Variants in ZNF148 observed in about 807,000 individuals in gnomAD.
The protein encoded by ZNF148 is Beta-Enolase Repressor Factor-1.
In ZNF148, 7 loss-of-function variants were observed where a neutral mutation model predicts 67.7. The observed-to-expected ratio is 0.10, with a 90% CI of 0.06 to 0.19. The LOEUF (loss-of-function observed/expected upper bound fraction) is 0.19, where lower values mean the gene tolerates loss of function less well. Ranked by LOEUF, ZNF148 falls within the 10% of genes least tolerant of loss-of-function variation. The pLI, the probability that ZNF148 is intolerant of heterozygous loss-of-function variation, is 1.00. For synonymous variants in ZNF148, 333 were observed against 330.7 expected, an observed-to-expected ratio of 1.01 and a Z score of -0.08; for missense variants, 583 against 947.1, an observed-to-expected ratio of 0.62 and a Z score of 5.05.
rs1184633259 is a variant in ZNF148, at chr3:125,355,443, G to C, written c.-234+19659C>G. Among the ~76,000 whole-genome samples the C allele has an allele frequency of 3.9e-5, 6 of 152,156 alleles. No homozygotes were observed. The South Asian group carries it at 1.2e-3, about 32-fold the overall frequency. On this transcript the variant is annotated intron_variant, in intron 1 of 8. Transcript: ENST00000360647. Reference sequence around the variant, plus strand: ...AGCGTGCTGACCAAAAATGTCTCCAGACGTTTGACAAAATCACCTCTGGTT... The same window carrying C: ...AGCGTGCTGACCAAAAATGTCTCCACACGTTTGACAAAATCACCTCTGGTT...
chr3:125,303,696 A>G (rs944179108), intron 4 of ZNF148, among the ~76,000 whole-genome samples: 1 of 152,042 alleles, frequency 6.6e-6, no homozygotes, highest in Non-Finnish European at 1.5e-5. Flanking sequence ...TGAGTTGTAT[A>G]ATTACTTCAT....
intron 4 of ZNF148, among the ~76,000 whole-genome samples, chr3:125,303,293 TG>T (rs1939691158): frequency 6.6e-6 from 1 of 152,196 alleles, no homozygotes. Flanking sequence ...GAATCTTGAT[TG>T]CTTTGGTGGT....
intron 7 of ZNF148, among the ~76,000 whole-genome samples, chr3:125,255,189 T>C (rs1336102433): frequency 2.0e-5 from 3 of 151,594 alleles, no homozygotes. Context: ...TCTGTAAATA[T>C]TCATTTACGT....
At chr3:125,356,602 TA>T (rs1942350041) in intron 1 of ZNF148, among the ~76,000 whole-genome samples, 1 of 152,202 alleles carries the variant, frequency 6.6e-6, no homozygotes, top group Non-Finnish European at 1.5e-5. Context: ...CTGCCCTCTA[TA>T]AAATTAAGAA....
chr3:125,271,669 G>C (rs1165880290), intron 7 of ZNF148, among the ~76,000 whole-genome samples: 1 of 152,188 alleles, frequency 6.6e-6, no homozygotes, highest in Non-Finnish European at 1.5e-5. Flanking sequence ...CAGGACTGCT[G>C]TGTGGATAAA....
intron 1 of ZNF148, among the ~76,000 whole-genome samples, chr3:125,350,912 A>T (rs529632131): frequency 6.6e-6 from 1 of 152,258 alleles, no homozygotes; most frequent in African/African-American, 2.4e-5. Context: ...TAAGAACATT[A>T]TAAGTGAAAC....
chr3:125,273,009 T>G (rs1222399602), intron 7 of ZNF148, among the ~76,000 whole-genome samples: 1 of 152,228 alleles, frequency 6.6e-6, no homozygotes, highest in East Asian at 1.9e-4. Flanking sequence ...AGTTAAACTC[T>G]AAGTAGGTCT....
At chr3:125,237,157 T>C (rs1184536047) in intron 7 of ZNF148, among the ~76,000 whole-genome samples, 1 of 152,114 alleles carries the variant, frequency 6.6e-6, no homozygotes, top group African/African-American at 2.4e-5. Flanking sequence ...AAACTGATTA[T>C]CAATACTGAA....
rs189146003 is a variant in ZNF148, at chr3:125,303,824, A to C, written c.333+9484T>G. 4.8e-4 allele frequency among the ~76,000 whole-genome samples: 73 copies of C among 152,180 alleles called. 2 individuals are homozygous for C. The highest frequency in any genetic ancestry group is 1.5e-3 in the African/African-American group (64 of 41,530). On this transcript the variant is annotated intron_variant, in intron 4 of 8. Coordinates refer to ENST00000360647, the MANE Select transcript of ZNF148 (RefSeq NM_021964.3). ...TCGTGGAAAAACTGTCTTCCACAAAACTGGTCCCTGGTGCCAAAAACGGTT... is the reference window on the plus strand; with the variant it reads ...TCGTGGAAAAACTGTCTTCCACAAACCTGGTCCCTGGTGCCAAAAACGGTT...
At chr3:125,361,367 C>T (rs780336982) in intron 1 of ZNF148, among the ~76,000 whole-genome samples, 3 of 152,102 alleles carry the variant, frequency 2.0e-5, no homozygotes, top group African/African-American at 4.8e-5. Flanking sequence ...GAACACCCTC[C>T]TATTTCCCCT....
At chr3:125,326,733 T>C (rs1327053990) in intron 2 of ZNF148, among the ~76,000 whole-genome samples, 5 of 146,420 alleles carry the variant, frequency 3.4e-5, no homozygotes, top group Non-Finnish European at 3.0e-5. Context: ...TATATAAATA[T>C]ACATATTTAT....
intron 4 of ZNF148, among the ~76,000 whole-genome samples, chr3:125,304,180 A>G (rs749211890): frequency 7.2e-5 from 11 of 152,114 alleles, no homozygotes; most frequent in Non-Finnish European, 1.2e-4. Context: ...GAGGGCTTCT[A>G]CATGGGAGGA....
intron 2 of ZNF148, among the ~76,000 whole-genome samples, chr3:125,329,239 A>C (rs991394402): frequency 2.7e-5 from 4 of 148,394 alleles, no homozygotes; most frequent in African/African-American, 7.4e-5. Context: ...ATATGTATAG[A>C]TATATATATC....
intron 3 of ZNF148, among the ~76,000 whole-genome samples, chr3:125,322,769 G>C (rs1052867581): frequency 2.0e-5 from 3 of 152,090 alleles, no homozygotes; most frequent in African/African-American, 7.2e-5. Context: ...CAGTAGCCAA[G>C]TCTATATACT....
chr3:125,256,187 C>A (rs1211299632), intron 7 of ZNF148, among the ~76,000 whole-genome samples: 1 of 151,274 alleles, frequency 6.6e-6, no homozygotes, highest in African/African-American at 2.4e-5. Context: ...CACAGCAAAA[C>A]CCTGTCTCTA....
intron 7 of ZNF148, among the ~76,000 whole-genome samples, chr3:125,268,509 A>T (rs1937591456): frequency 6.6e-6 from 1 of 152,198 alleles, no homozygotes; most frequent in Non-Finnish European, 1.5e-5. Flanking sequence ...ACCATATCCA[A>T]AAGAATGAAA....
At position 125,228,188 on chromosome 3, in the gene ZNF148, A is replaced by G. The variant is rs1485514939; in HGVS notation, c.*4153T>C. On this transcript the variant is annotated 3_prime_UTR_variant, in exon 9 of 9. Coordinates refer to ENST00000360647, the MANE Select transcript of ZNF148 (RefSeq NM_021964.3). ...CAAATATTAAAATCCAAAGCAAATC[A>G]CAAAGTTAGGTAGCAGTACAGAAGC... 6.6e-6 allele frequency: 1 copy of G among 152,622 alleles called. No individual in the cohort carries two copies. Among genetic ancestry groups the G allele is most frequent in the African/African-American group, 2.4e-5 (1 of 41,446 alleles). The allele number at this position is 152,622 out of a possible 1,614,324, so 9.5% of individuals were successfully genotyped here.
At chr3:125,347,103 A>G (rs1941972415) in intron 1 of ZNF148, among the ~76,000 whole-genome samples, 1 of 152,188 alleles carries the variant, frequency 6.6e-6, no homozygotes, top group African/African-American at 2.4e-5. Context: ...TAATAGCAGG[A>G]AAAAAATAAA....
chr3:125,291,981 C>T (rs182279798), intron 4 of ZNF148, among the ~76,000 whole-genome samples: 161 of 152,214 alleles, frequency 1.1e-3, no homozygotes, highest in African/African-American at 3.7e-3. Context: ...GTACTGTAAA[C>T]GTACTGTCTA....
Sources: gnomAD v4.1 joint callset for allele counts (sites outside exome capture counted in the v4.1 genomes callset) on GRCh38, gnomAD v4.1.1 for gene constraint, MANE v1.5 for transcripts, NCBI Gene and HGNC (gene_info 2026-07-23, HGNC 2026-07-21) for gene names.